TENM4: variants seen among roughly 807,000 people sequenced by gnomAD.
The protein encoded by TENM4 is teneurin transmembrane protein 4.
A neutral mutation model predicts 243.3 loss-of-function variants in TENM4; 82 were observed. The observed-to-expected ratio is 0.34, with a 90% CI of 0.28 to 0.40. The LOEUF is 0.40. Among genes scored for constraint, TENM4 ranks in the 10% least tolerant of loss-of-function variants. The pLI, the probability that TENM4 is intolerant of heterozygous loss-of-function variation, is 1.00. For missense variants in TENM4, 3,138 were observed against 3,673.3 expected (o/e 0.85, Z 3.77); for synonymous variants, 1,412 against 1,456.3 (o/e 0.97, Z 0.69).
intron 6 of TENM4, among the ~76,000 whole-genome samples, chr11:78,960,532 C>G (rs945884193): frequency 6.6e-6 from 1 of 152,180 alleles, no homozygotes; most frequent in East Asian, 1.9e-4. Flanking sequence ...ACAGCCCAGG[C>G]TCTCAGGTTT....
At chr11:78,757,806 C>G (rs1362894395) in intron 18 of TENM4, among the ~76,000 whole-genome samples, 1 of 152,168 alleles carries the variant, frequency 6.6e-6, no homozygotes, top group African/African-American at 2.4e-5. Context: ...GCTCTGCTTT[C>G]TGTGAGAGGA....
intron 1 of TENM4, among the ~76,000 whole-genome samples, chr11:79,405,434 G>A (rs1038289912): frequency 6.6e-6 from 1 of 150,744 alleles, no homozygotes; most frequent in Non-Finnish European, 1.5e-5. Context: ...ACAGGAAAGG[G>A]AGAGCATAGT....
intron 1 of TENM4, among the ~76,000 whole-genome samples, chr11:79,402,282 A>G (rs1858478392): frequency 6.6e-6 from 1 of 152,170 alleles, no homozygotes; most frequent in South Asian, 2.1e-4. Context: ...ACATAATGAG[A>G]AATGACAATG....
intron 6 of TENM4, among the ~76,000 whole-genome samples, chr11:78,991,916 C>G (rs1858056728): frequency 6.6e-6 from 1 of 152,176 alleles, no homozygotes; most frequent in Non-Finnish European, 1.5e-5. Context: ...GGAGGGGTGG[C>G]AGGAAACCCC....
At chr11:79,286,688 T>A (rs1189389720) in intron 2 of TENM4, among the ~76,000 whole-genome samples, 1 of 151,980 alleles carries the variant, frequency 6.6e-6, no homozygotes, top group East Asian at 1.9e-4. Context: ...AATTTTTTTT[T>A]AAATAGAAGT....
chr11:79,169,672 C>T (rs1322400748), intron 3 of TENM4, among the ~76,000 whole-genome samples: 1 of 152,192 alleles, frequency 6.6e-6, no homozygotes, highest in Non-Finnish European at 1.5e-5. Context: ...TACTTAACCA[C>T]AAGCCACCAC....
intron 3 of TENM4, among the ~76,000 whole-genome samples, chr11:79,171,229 G>A (rs1202129152): frequency 1.3e-5 from 2 of 152,156 alleles, no homozygotes; most frequent in African/African-American, 4.8e-5. Context: ...ATCTACAAAT[G>A]TCCTTCTCCA....
chr11:79,309,059 G>A (rs1856675388), intron 1 of TENM4, among the ~76,000 whole-genome samples: 1 of 152,052 alleles, frequency 6.6e-6, no homozygotes, highest in Non-Finnish European at 1.5e-5. Flanking sequence ...GGGGACTATG[G>A]TAAACTCTAG....
intron 29 of TENM4, among the ~76,000 whole-genome samples, chr11:78,677,215 C>G (rs1482428234): frequency 6.6e-6 from 1 of 151,298 alleles, no homozygotes; most frequent in Non-Finnish European, 1.5e-5. Context: ...AAAATAGATT[C>G]CTAAAAGTAG....
rs939901922 is a variant in TENM4 at position 78,712,675 on chromosome 11, G to T, written c.3861C>A (p.Pro1287=). The T allele has an allele frequency of 3.8e-5, 62 of 1,613,896 alleles. No individual in the cohort carries two copies. The highest frequency in any genetic ancestry group is 4.9e-5 in the Non-Finnish European group (58 of 1,179,902). ...PAHKYYLATD[P]MSGAVFLSDS... is the part of the protein sequence containing the mutation. ...CAGAAAGGAAGACGGCCCCACTCAT[G>T]GGGTCTGTGGCCAGGTAGTATTTGT... Residue 1287 remains proline (P), a synonymous_variant, in exon 26 of 34, where the codon CCC becomes CCA. Coordinates refer to ENST00000278550, the MANE Select transcript of TENM4 (RefSeq NM_001098816.3).
At chr11:78,914,882 G>A (rs1856278611) in intron 6 of TENM4, among the ~76,000 whole-genome samples, 1 of 152,272 alleles carries the variant, frequency 6.6e-6, no homozygotes, top group Admixed American at 6.5e-5. Flanking sequence ...CAGGGGCATA[G>A]TGAACATTGG....
At chr11:78,802,063 G>A (rs604799) in intron 15 of TENM4, among the ~76,000 whole-genome samples, 102,337 of 152,108 alleles carry the variant, frequency 0.67, 35,801 homozygotes, top group Non-Finnish European at 0.78. Context: ...CCCCCAAAAA[G>A]CCCAGTGCCT....
intron 2 of TENM4, among the ~76,000 whole-genome samples, chr11:79,229,595 G>A (rs1430785863): frequency 6.6e-6 from 1 of 152,076 alleles, no homozygotes; most frequent in Non-Finnish European, 1.5e-5. Context: ...TGCCAACACT[G>A]CACATTCCTG....
intron 4 of TENM4, among the ~76,000 whole-genome samples, chr11:79,127,274 T>C (rs1041609590): frequency 2.0e-5 from 3 of 152,242 alleles, no homozygotes; most frequent in African/African-American, 7.2e-5. Context: ...CAGAGATTAG[T>C]GACACCATCA....
intron 6 of TENM4, among the ~76,000 whole-genome samples, chr11:79,027,985 G>A (rs748588439): frequency 6.6e-6 from 1 of 152,152 alleles, no homozygotes; most frequent in Non-Finnish European, 1.5e-5. Context: ...CTAGCACATG[G>A]AAGAACCTCA....
chr11:78,999,343 C>G (rs756903877), intron 6 of TENM4, among the ~76,000 whole-genome samples: 1 of 152,028 alleles, frequency 6.6e-6, no homozygotes, highest in Non-Finnish European at 1.5e-5. Flanking sequence ...GAAACCCTGT[C>G]TCTACTAAAA....
At chr11:79,011,738 C>G (rs1858648156) in intron 6 of TENM4, among the ~76,000 whole-genome samples, 1 of 152,156 alleles carries the variant, frequency 6.6e-6, no homozygotes, top group African/African-American at 2.4e-5. Context: ...AAACTTATGG[C>G]CTGAAATAAT....
intron 9 of TENM4, among the ~76,000 whole-genome samples, chr11:78,883,741 A>C (rs1251265307): frequency 6.6e-6 from 1 of 152,268 alleles, no homozygotes; most frequent in Non-Finnish European, 1.5e-5. Flanking sequence ...TTATCTGCAC[A>C]GAAGCAACAG....
intron 9 of TENM4, among the ~76,000 whole-genome samples, chr11:78,882,661 C>A (rs1330240062): frequency 6.6e-6 from 1 of 152,202 alleles, no homozygotes; most frequent in South Asian, 2.1e-4. Context: ...GCAACTTGCA[C>A]TTAATGCTCA....
Sources: gnomAD v4.1 joint callset for allele counts (sites outside exome capture counted in the v4.1 genomes callset) on GRCh38, gnomAD v4.1.1 for gene constraint, MANE v1.5 for transcripts, NCBI Gene and HGNC (gene_info 2026-07-23, HGNC 2026-07-21) for gene names.